The following CPD variants were observed in gnomAD, a reference collection of about 807,000 sequenced individuals.
The protein encoded by CPD is metallocarboxypeptidase D.
A neutral mutation model predicts 138.3 loss-of-function variants in CPD; 69 were observed. The observed-to-expected ratio is 0.50, with a 90% CI of 0.41 to 0.61. The LOEUF (loss-of-function observed/expected upper bound fraction) is 0.61, where lower values mean the gene tolerates loss of function less well. CPD is among the 20% of genes least tolerant of loss of function. CPD has a pLI of 0.00. For missense variants in CPD, 1,432 were observed against 1,733.3 expected, an observed-to-expected ratio of 0.83 and a Z score of 3.09; for synonymous variants, 651 against 642.1, an observed-to-expected ratio of 1.01 and a Z score of -0.21.
chr17:30,438,295 C>G (rs1383212656), intron 8 of CPD, among the ~76,000 whole-genome samples: 1 of 151,964 alleles, frequency 6.6e-6, no homozygotes, highest in Non-Finnish European at 1.5e-5. Context: ...GGAAACTCCC[C>G]CTGCCACTCT....
In CPD at chr17:30,379,199, C is replaced by T; in HGVS notation, c.219C>T (p.Ala73=). Residue 73 remains alanine, a synonymous_variant, in exon 1 of 21, where the codon GCC becomes GCT. Transcript: ENST00000225719. This position sits in a 1 kb window ranked among gnomAD's most constrained non-coding sequence, Gnocchi z 7.0. ...ELESALREAA[A]AGLPGLARLF... is the part of the protein sequence containing the mutation. ...AGTCGGCGCTGAGGGAGGCGGCGGC[C>T]GCGGGCCTCCCCGGCCTGGCCCGCC... The T allele has an allele frequency of 6.5e-7, 1 of 1,529,792 alleles. No individual in the cohort carries two copies. The highest frequency in any genetic ancestry group is 8.7e-7 in the Non-Finnish European group (1 of 1,142,996). 94.8% of individuals were successfully genotyped at this position (1,529,792 alleles called of 1,614,324 possible). A position where few individuals can be genotyped will look rare whatever the true frequency, so the allele number is the denominator to read the frequency against.
At chr17:30,386,631 T>C (rs1396171137) in intron 2 of CPD, among the ~76,000 whole-genome samples, 3 of 152,194 alleles carry the variant, frequency 2.0e-5, no homozygotes, top group Non-Finnish European at 4.4e-5. Flanking sequence ...CCCCAGCCAT[T>C]GGTAACCTCT....
chr17:30,431,094 G>A (rs1220279819), intron 7 of CPD, among the ~76,000 whole-genome samples: 1 of 152,070 alleles, frequency 6.6e-6, no homozygotes, highest in African/African-American at 2.4e-5. Flanking sequence ...CAATGTATGA[G>A]GTTCCAGTTT....
chr17:30,462,540 C>A lies in CPD; in HGVS notation c.3916+71C>A, dbSNP rs868615935. The A allele has an allele frequency of 5.2e-5, 53 of 1,013,124 alleles. No individual in the cohort carries two copies. The Middle Eastern group carries it at 2.1e-3, about 41-fold the overall frequency. The allele number at this position is 1,013,124 out of a possible 1,614,324, so 62.8% of individuals were successfully genotyped here. A position where few individuals can be genotyped will look rare whatever the true frequency, so the allele number is the denominator to read the frequency against. On this transcript the variant is annotated intron_variant, in intron 20 of 20. Coordinates refer to ENST00000225719, the MANE Select transcript of CPD (RefSeq NM_001304.5). ...GACATTTCAATATGAGAGTGGGTCA[C>A]CTCTCTCATATTGATCCTGAAACTA...
intron 14 of CPD, chr17:30,454,461 A>G (rs1272996828): frequency 6.6e-6 from 1 of 152,228 alleles, no homozygotes; most frequent in Non-Finnish European, 1.5e-5. Flanking sequence ...CTCAGCCTGG[A>G]CCTTATTGGT....
chr17:30,392,417 C>T (rs1911383183), intron 2 of CPD, among the ~76,000 whole-genome samples: 1 of 152,052 alleles, frequency 6.6e-6, no homozygotes, highest in Non-Finnish European at 1.5e-5. Flanking sequence ...GATCCTAGAT[C>T]AGTATTATTT....
At chr17:30,382,815 T>C (rs1421304096) in intron 1 of CPD, among the ~76,000 whole-genome samples, 1 of 152,194 alleles carries the variant, frequency 6.6e-6, no homozygotes, top group Non-Finnish European at 1.5e-5. Flanking sequence ...CATTTTATTT[T>C]ACTAGAATAT....
intron 8 of CPD, among the ~76,000 whole-genome samples, chr17:30,436,315 A>C (rs1182508370): frequency 2.0e-5 from 3 of 152,278 alleles, no homozygotes; most frequent in East Asian, 3.9e-4. Flanking sequence ...CCCAGCCCCC[A>C]AAAAATAAAT....
chr17:30,389,095 C>G (rs996707284), intron 2 of CPD, among the ~76,000 whole-genome samples: 4 of 152,222 alleles, frequency 2.6e-5, no homozygotes, highest in Non-Finnish European at 5.9e-5. Context: ...ACATTACTCC[C>G]CCGCTGTGCT....
intron 19 of CPD, 131 bp from the exon 20 acceptor site, chr17:30,462,230 GGAAAATTTT>G: frequency 1.8e-5 from 19 of 1,071,014 alleles, no homozygotes; most frequent in Non-Finnish European, 2.4e-5. Flanking sequence ...CTAACAAAAG[GGAAAATTTT>G]CTAGCATTTT....
chr17:30,463,848 A>G (rs946634202), intron 20 of CPD, among the ~76,000 whole-genome samples: 2 of 152,202 alleles, frequency 1.3e-5, no homozygotes, highest in African/African-American at 2.4e-5. Flanking sequence ...GAATTCAGCC[A>G]TGGTTTAAAT....
At chr17:30,462,490 A>G in intron 20 of CPD, 21 bp downstream of exon 20, 1 of 1,564,774 alleles carries the variant, frequency 6.4e-7, no homozygotes, top group South Asian at 1.1e-5. Context: ...TTTGATTTTT[A>G]GTAGTAAAAG....
chr17:30,416,654 C>G (rs1259720527), intron 2 of CPD, among the ~76,000 whole-genome samples: 1 of 152,144 alleles, frequency 6.6e-6, no homozygotes, highest in Non-Finnish European at 1.5e-5. Flanking sequence ...CAAACTTTTC[C>G]CCCTGCCTTT....
At chr17:30,461,419 T>A (rs982607525) in intron 18 of CPD, 108 bp downstream of exon 18, 11 of 820,918 alleles carry the variant, frequency 1.3e-5, no homozygotes, top group Middle Eastern at 4.5e-4. Flanking sequence ...TATTTTAAAT[T>A]TATATAGAAA....
At chr17:30,405,850 CTA>C in intron 2 of CPD, among the ~76,000 whole-genome samples, 1 of 152,102 alleles carries the variant, frequency 6.6e-6, no homozygotes, top group East Asian at 1.9e-4. Context: ...ACAAAAAAAT[CTA>C]TGTTTTCATA....
At position 30,423,035 on chromosome 17, in the gene CPD, G is replaced by T. The variant is rs1912309272; in HGVS notation, c.1657+12G>T. ...TGTCCATGAACCAGGTAATTGGTAT[G>T]GTCTTACACATAATTTCAGTAGTGC... is the stretch of plus-strand genomic sequence containing the variant. On this transcript the variant is annotated intron_variant, in intron 5 of 20. Coordinates refer to ENST00000225719, the MANE Select transcript of CPD (RefSeq NM_001304.5). The T allele has an allele frequency of 6.4e-7, 1 of 1,571,060 alleles. No homozygotes were observed. Among genetic ancestry groups the T allele is most frequent in the African/African-American group, 1.4e-5 (1 of 73,878 alleles).
intron 2 of CPD, among the ~76,000 whole-genome samples, chr17:30,403,020 C>T (rs535129636): frequency 3.3e-5 from 5 of 152,214 alleles, no homozygotes; most frequent in South Asian, 2.1e-4. Flanking sequence ...GCAGGAGAAT[C>T]GCTTTAACCT....
intron 13 of CPD, 96 bp from the exon 14 acceptor site, chr17:30,451,615 T>C: frequency 9.6e-7 from 1 of 1,046,064 alleles, no homozygotes; most frequent in Non-Finnish European, 1.4e-6. Flanking sequence ...AAATTAACTA[T>C]GTGTAGAATA....
intron 12 of CPD, among the ~76,000 whole-genome samples, chr17:30,447,917 T>G (rs1913071679): frequency 6.6e-6 from 1 of 152,218 alleles, no homozygotes; most frequent in Non-Finnish European, 1.5e-5. Context: ...AGTTAAGGTC[T>G]TTACATTTTG....
Sources: gnomAD v4.1 joint callset for allele counts (sites outside exome capture counted in the v4.1 genomes callset) on GRCh38, gnomAD v4.1.1 for gene constraint, Gnocchi (gnomAD v3.1) non-coding constraint, MANE v1.5 for transcripts, NCBI Gene and HGNC (gene_info 2026-07-23, HGNC 2026-07-21) for gene names.